ZNF627: variants seen among roughly 807,000 people sequenced by gnomAD.
ZNF627 encodes the protein zinc finger protein 627.
In ZNF627, 12 loss-of-function variants were observed where a neutral mutation model predicts 10.6. The observed-to-expected ratio is 1.13, with a 90% CI of 0.73 to 1.84. The LOEUF is 1.84. ZNF627 is among the 40% of genes most tolerant of loss of function. The pLI is 0.00. For synonymous variants in ZNF627, 176 were observed against 187.1 expected (o/e 0.94, Z 0.48); for missense variants, 504 against 568.4 (o/e 0.89, Z 1.15).
At chr19:11,598,458 C>T (rs997439488) in intron 1 of ZNF627, among the ~76,000 whole-genome samples, 1 of 152,042 alleles carries the variant, frequency 6.6e-6, no homozygotes, top group Non-Finnish European at 1.5e-5. Flanking sequence ...GAATTTCATT[C>T]GACTTAGATT....
In ZNF627 at chr19:11,606,269, G is replaced by A. The variant is rs182110847; in HGVS notation, c.4-8258G>A. Among the ~76,000 whole-genome samples, 84 of 152,012 alleles carry A rather than the reference G, an allele frequency of 5.5e-4. 1 individual carries two copies. Among genetic ancestry groups the A allele is most frequent in the Admixed American group, 9.2e-4 (14 of 15,262 alleles). On this transcript the variant is annotated intron_variant, in intron 1 of 3. Coordinates refer to ENST00000361113, the MANE Select transcript of ZNF627 (RefSeq NM_145295.4). ...GGAGAATTGCTTGATCCCAGAAGGC[G>A]GAGGTTCCAGTGAGCCGAGATCATG... is the stretch of plus-strand genomic sequence containing the variant.
chr19:11,608,812 C>A (rs1973716828), intron 1 of ZNF627, among the ~76,000 whole-genome samples: 3 of 152,114 alleles, frequency 2.0e-5, no homozygotes, highest in Admixed American at 2.0e-4. Flanking sequence ...CCAGCATGCC[C>A]AGCCAATTTT....
At position 11,617,075 on chromosome 19, in the gene ZNF627, G is replaced by T. The variant is rs182927532; in HGVS notation, c.572G>T (p.Gly191Val). 3.7e-6 allele frequency: 6 copies of T among 1,614,032 alleles called. No homozygotes were observed. In the African/African-American group the frequency reaches 6.7e-5, roughly 18 times the overall value. Residue 191 changes from glycine to valine, a missense_variant, in exon 4 of 4, where the codon GGA becomes GTA. Gly to Val is a moderately radical substitution (Grantham distance 109). Coordinates refer to ENST00000361113, the MANE Select transcript of ZNF627 (RefSeq NM_145295.4). Reference protein sequence around the residue: ...SIRRHMLTHRGGVPYKCKVCG... With the variant: ...SIRRHMLTHRVGVPYKCKVCG... ...CGAAGACACATGTTAACGCATAGGG[G>T]AGGTGTACCTTACAAATGTAAGGTG...
chr19:11,617,082 A>C lies in ZNF627; in HGVS notation c.579A>C (p.Val193=). The C allele has an allele frequency of 6.2e-7, 1 of 1,614,116 alleles. No individual in the cohort carries two copies. Among genetic ancestry groups the C allele is most frequent in the Admixed American group, 1.7e-5 (1 of 60,012 alleles). The change falls in exon 4 of 4, where the codon GTA becomes GTC. Residue 193 remains valine, a synonymous_variant. Coordinates refer to ENST00000361113, the MANE Select transcript of ZNF627 (RefSeq NM_145295.4). ...RRHMLTHRGG[V]PYKCKVCGKA... is the part of the protein sequence containing the mutation. The stretch of plus-strand genomic sequence containing the variant: ...ACATGTTAACGCATAGGGGAGGTGT[A>C]CCTTACAAATGTAAGGTGTGTGGGA...
intron 1 of ZNF627, among the ~76,000 whole-genome samples, chr19:11,600,069 A>G (rs1481082695): frequency 6.6e-6 from 1 of 152,212 alleles, no homozygotes; most frequent in South Asian, 2.1e-4. Context: ...ACCTTGAAAT[A>G]TAAGACAGTT....
chr19:11,613,984 C>T (rs576524208), intron 1 of ZNF627, among the ~76,000 whole-genome samples: 27 of 138,548 alleles, frequency 1.9e-4, no homozygotes, highest in Non-Finnish European at 3.2e-4. Context: ...TGCAGTGGTG[C>T]AATCTCAGCT....
chr19:11,599,467 C>T (rs1423155220), intron 1 of ZNF627, among the ~76,000 whole-genome samples: 2 of 152,144 alleles, frequency 1.3e-5, no homozygotes, highest in Non-Finnish European at 2.9e-5. Context: ...GACAGGAAAA[C>T]CCATCCCACT....
chr19:11,614,022 C>T (rs763132528), intron 1 of ZNF627, among the ~76,000 whole-genome samples: 9 of 150,910 alleles, frequency 6.0e-5, no homozygotes, highest in South Asian at 2.1e-4. Context: ...TCTGGGTTCA[C>T]GCCATTCTTC....
Position 11,618,888 on chromosome 19 carries a change from T to G in ZNF627, c.*999T>G, listed in dbSNP as rs1334688721. 2 of 152,246 alleles carry G rather than the reference T, an allele frequency of 1.3e-5. No homozygotes were observed. Among genetic ancestry groups the G allele is most frequent in the African/African-American group, 4.8e-5 (2 of 41,466 alleles). The allele number at this position is 152,246 out of a possible 1,614,324, so 9.4% of individuals were successfully genotyped here. A position where few individuals can be genotyped will look rare whatever the true frequency, so the allele number is the denominator to read the frequency against. ...TCAAGTTTATAATTTTGGCAAATTG[T>G]TAAGACACTGTGAAGTCAGCGTTAA... On this transcript the variant is annotated 3_prime_UTR_variant, in exon 4 of 4. Coordinates refer to ENST00000361113, the MANE Select transcript of ZNF627 (RefSeq NM_145295.4).
At chr19:11,614,301 C>T (rs1973829167) in intron 1 of ZNF627, among the ~76,000 whole-genome samples, 1 of 152,166 alleles carries the variant, frequency 6.6e-6, no homozygotes, top group Non-Finnish European at 1.5e-5. Context: ...CATACTTCTC[C>T]CACCAGAGAG....
At position 11,617,817 on chromosome 19, in the gene ZNF627, A is replaced by G; in HGVS notation, c.1314A>G (p.Glu438=). 4 of 1,607,696 alleles carry G rather than the reference A, an allele frequency of 2.5e-6. No homozygotes were observed. The highest frequency in any genetic ancestry group is 3.4e-6 in the Non-Finnish European group (4 of 1,177,950). Residue 438 remains glutamate (E), a synonymous_variant, in exon 4 of 4, where the codon GAA becomes GAG. Coordinates refer to ENST00000361113, the MANE Select transcript of ZNF627 (RefSeq NM_145295.4). ...GATCCACTTACTTTCGAGTACATGA[A>G]AAAATTCATACTGGAGAGAAACCCT... is the stretch of plus-strand genomic sequence containing the variant. The part of the protein sequence containing the change: ...FSRSTYFRVH[E]KIHTGEKPYE...
Position 11,618,850 on chromosome 19 carries a change from G to A in ZNF627, c.*961G>A, listed in dbSNP as rs1973924055. On this transcript the variant is annotated 3_prime_UTR_variant, in exon 4 of 4. Transcript: ENST00000361113. Reference sequence around the variant, plus strand: ...CAAAACAGTTTATTAACTGTCTTCAGTCTTGGATTACATCAAGTTTATAAT... The same window carrying A: ...CAAAACAGTTTATTAACTGTCTTCAATCTTGGATTACATCAAGTTTATAAT... 1 of 152,164 alleles carries A rather than the reference G, an allele frequency of 6.6e-6. No homozygotes were observed. The highest frequency in any genetic ancestry group is 2.1e-4 in the South Asian group (1 of 4,830). 9.4% of individuals were successfully genotyped at this position (152,164 alleles called of 1,614,324 possible).
At chr19:11,603,455 A>ATT (rs56105481) in intron 1 of ZNF627, among the ~76,000 whole-genome samples, 2 of 146,332 alleles carry the variant, frequency 1.4e-5, no homozygotes, top group African/African-American at 2.5e-5. Context: ...TAATTTTTGT[A>ATT]TTTTTTTTTT....
chr19:11,611,798 G>A lies in ZNF627; in HGVS notation c.4-2729G>A, dbSNP rs75700639. On this transcript the variant is annotated intron_variant, in intron 1 of 3. Coordinates refer to ENST00000361113, the MANE Select transcript of ZNF627 (RefSeq NM_145295.4). ...ATTGAAAGGGTAAAGCAGAGGGGAC[G>A]TCCTTATTATGCCAGCTGAGATTGA... is the stretch of plus-strand genomic sequence containing the variant. Among the ~76,000 whole-genome samples the A allele has an allele frequency of 9.7e-4, 148 of 152,274 alleles. 1 individual carries two copies. Among genetic ancestry groups the A allele is most frequent in the African/African-American group, 3.3e-3 (139 of 41,568 alleles).
In ZNF627 at chr19:11,614,584, C is replaced by G; in HGVS notation, c.61C>G (p.Leu21Val). The change falls in exon 2 of 4, where the codon CTG (leucine) becomes GTG (valine). Residue 21 changes from leucine (L) to valine (V), a missense_variant. Transcript: ENST00000361113. The part of the protein sequence containing the change: ...VNFTLEEWAL[L>V]DPSQKNLYRD... Reference sequence around the variant, plus strand: ...CTTCACCCTGGAGGAGTGGGCTTTGCTGGATCCTTCCCAGAAGAATCTCTA... The same window carrying G: ...CTTCACCCTGGAGGAGTGGGCTTTGGTGGATCCTTCCCAGAAGAATCTCTA... 1 of 1,613,818 alleles carries G rather than the reference C, an allele frequency of 6.2e-7. No individual in the cohort carries two copies. The highest frequency in any genetic ancestry group is 8.5e-7 in the Non-Finnish European group (1 of 1,179,962).
chr19:11,614,506 C>T, intron 1 of ZNF627, 21 bp from the exon 2 acceptor site: 1 of 1,613,620 alleles, frequency 6.2e-7, no homozygotes. Flanking sequence ...CTTCCTCCTC[C>T]ACACATGGGG....
chr19:11,598,021 G>A (rs1973522894), intron 1 of ZNF627, among the ~76,000 whole-genome samples: 1 of 152,216 alleles, frequency 6.6e-6, no homozygotes, highest in Non-Finnish European at 1.5e-5. Flanking sequence ...TCCCGGTCGT[G>A]GTTTGTGGCT....
intron 1 of ZNF627, among the ~76,000 whole-genome samples, chr19:11,610,806 G>A (rs184888079): frequency 4.8e-4 from 73 of 152,200 alleles, no homozygotes; most frequent in Admixed American, 2.8e-3. Context: ...TTCTTGATTC[G>A]TGACTCGCTA....
rs1397329978 is a variant in ZNF627 at position 11,617,943 on chromosome 19, C to G, written c.*54C>G. 1 of 1,410,382 alleles carries G rather than the reference C, an allele frequency of 7.1e-7. No individual in the cohort carries two copies. Among genetic ancestry groups the G allele is most frequent in the Non-Finnish European group, 9.5e-7 (1 of 1,057,810 alleles). 87.4% of individuals were successfully genotyped at this position (1,410,382 alleles called of 1,614,324 possible). ...CATGAAAGTAAGAAATTTGGGAAAG[C>G]CTTCAGTCCTTTCTGTTTCTTTCAA... On this transcript the variant is annotated 3_prime_UTR_variant, in exon 4 of 4. Coordinates refer to ENST00000361113, the MANE Select transcript of ZNF627 (RefSeq NM_145295.4).
Sources: allele counts gnomAD v4.1 joint callset (sites outside exome capture counted in the v4.1 genomes callset), GRCh38; gene constraint gnomAD v4.1.1; transcripts MANE v1.5; gene names NCBI Gene and HGNC (gene_info 2026-07-23, HGNC 2026-07-21).